The following APBB2 variants were observed in gnomAD, a reference collection of about 807,000 sequenced individuals.
The protein encoded by APBB2 is amyloid beta precursor protein binding family B member 2, also known as Fe65-like 1.
Under a neutral mutation model 82.5 loss-of-function variants are expected in APBB2, and 38 were observed. The ratio of observed to expected loss-of-function variants is 0.46; its 90% CI spans 0.36 to 0.60. The LOEUF (loss-of-function observed/expected upper bound fraction) is 0.60, where lower values mean the gene tolerates loss of function less well. APBB2 is among the 20% of genes least tolerant of loss of function. The pLI is 0.00. For missense variants in APBB2, 772 were observed against 972.3 expected (o/e 0.79, Z 2.74); for synonymous variants, 341 against 368.2 (o/e 0.93, Z 0.85).
chr4:40,938,486 T>C (rs1485885006), intron 7 of APBB2, among the ~76,000 whole-genome samples: 1 of 152,222 alleles, frequency 6.6e-6, no homozygotes, highest in African/African-American at 2.4e-5. Flanking sequence ...TCTGGGGTCT[T>C]GGAAAGCAAT....
At chr4:41,064,206 CTGATCTTG>C (rs200574209) in intron 4 of APBB2, among the ~76,000 whole-genome samples, 6,599 of 152,064 alleles carry the variant, frequency 0.043, 213 homozygotes, top group Middle Eastern at 0.072. Flanking sequence ...TCTCCATCTC[CTGATCTTG>C]TGATCCGCCC....
intron 4 of APBB2, among the ~76,000 whole-genome samples, chr4:41,049,837 G>C (rs1725286490): frequency 6.6e-6 from 1 of 152,140 alleles, no homozygotes; most frequent in Non-Finnish European, 1.5e-5. Flanking sequence ...GGTGCTCTCT[G>C]AAACATGTGC....
chr4:41,207,465 TAA>T (rs1351392304), intron 1 of APBB2, among the ~76,000 whole-genome samples: 2 of 152,126 alleles, frequency 1.3e-5, no homozygotes, highest in African/African-American at 4.8e-5. Flanking sequence ...TAAGAATTGC[TAA>T]AGAGTGTTGT....
At chr4:40,836,266 C>G (rs987475781) in intron 12 of APBB2, among the ~76,000 whole-genome samples, 1 of 152,156 alleles carries the variant, frequency 6.6e-6, no homozygotes, top group Non-Finnish European at 1.5e-5. Flanking sequence ...CTCTTCAGGT[C>G]AGGAGTTCAA....
chr4:40,828,418 C>T (rs780814405), intron 13 of APBB2, among the ~76,000 whole-genome samples: 1 of 152,178 alleles, frequency 6.6e-6, no homozygotes, highest in Non-Finnish European at 1.5e-5. Flanking sequence ...AAAGTCATTT[C>T]CATCGCAGAC....
chr4:41,042,645 T>A (rs958305413), intron 4 of APBB2, among the ~76,000 whole-genome samples: 4 of 150,458 alleles, frequency 2.7e-5, no homozygotes, highest in African/African-American at 9.7e-5. Flanking sequence ...GTTGGGAGAC[T>A]TGGGTAGGAT....
intron 1 of APBB2, among the ~76,000 whole-genome samples, chr4:41,178,381 A>C (rs1443822565): frequency 6.6e-6 from 1 of 152,188 alleles, no homozygotes; most frequent in Non-Finnish European, 1.5e-5. Flanking sequence ...AGAAGCCTCA[A>C]ACCCACCCAG....
intron 4 of APBB2, among the ~76,000 whole-genome samples, chr4:41,045,832 T>C (rs1478879893): frequency 6.6e-6 from 1 of 152,254 alleles, no homozygotes; most frequent in Non-Finnish European, 1.5e-5. Context: ...GCCTGGCACA[T>C]AGCAGATGTT....
chr4:41,051,666 G>A (rs991999909), intron 4 of APBB2, among the ~76,000 whole-genome samples: 3 of 151,994 alleles, frequency 2.0e-5, no homozygotes, highest in African/African-American at 4.8e-5. Flanking sequence ...CTTATTAACC[G>A]TCCCGAAGGC....
At chr4:40,949,098 G>A (rs1245310832) in intron 6 of APBB2, among the ~76,000 whole-genome samples, 1 of 151,978 alleles carries the variant, frequency 6.6e-6, no homozygotes, top group Non-Finnish European at 1.5e-5. Context: ...GGCCAATATG[G>A]TGAAATCCCA....
intron 12 of APBB2, among the ~76,000 whole-genome samples, chr4:40,889,472 A>T (rs998470910): frequency 2.6e-5 from 4 of 152,164 alleles, no homozygotes; most frequent in African/African-American, 4.8e-5. Context: ...GTTGTCGGGG[A>T]TTTTTATCCT....
At chr4:40,894,682 A>AT (rs1773154589) in intron 10 of APBB2, among the ~76,000 whole-genome samples, 2 of 152,236 alleles carry the variant, frequency 1.3e-5, no homozygotes, top group Admixed American at 1.3e-4. Flanking sequence ...ACTTAGAGAT[A>AT]TTTTGTTTGA....
chr4:41,142,105 G>A (rs1759395074), intron 2 of APBB2, among the ~76,000 whole-genome samples: 1 of 152,164 alleles, frequency 6.6e-6, no homozygotes, highest in Non-Finnish European at 1.5e-5. Flanking sequence ...AAAGGATGCT[G>A]GGCAGACAAA....
At chr4:41,134,355 T>G (rs746744357) in intron 2 of APBB2, among the ~76,000 whole-genome samples, 44 of 152,088 alleles carry the variant, frequency 2.9e-4, no homozygotes, top group Admixed American at 7.2e-4. Context: ...CAAGGCGGGC[T>G]GATCACAAGG....
chr4:40,820,839 C>T (rs1747642338), intron 17 of APBB2, among the ~76,000 whole-genome samples: 1 of 152,070 alleles, frequency 6.6e-6, no homozygotes, highest in Non-Finnish European at 1.5e-5. Flanking sequence ...AACACACCTG[C>T]CCACAGGCTT....
chr4:40,907,363 ATATATATATATATATATTTTTTTT>A lies in APBB2; in HGVS notation c.1255-13976_1255-13953del, dbSNP rs1322010580. 1.0e-3 allele frequency among the ~76,000 whole-genome samples: 92 copies of A among 91,180 alleles called. No homozygotes were observed. In the Middle Eastern group the frequency reaches 0.016, roughly 16 times the overall value. 59.8% of individuals were successfully genotyped at this position (91,180 alleles called of 152,430 possible). ...TAATATATTACATATATATATATAT[ATATATATATATATATATTTTTTTT>A]TTTTTTTTTTTTTAGACAGAGTCTC... is the stretch of plus-strand genomic sequence containing the variant. On this transcript the variant is annotated intron_variant, in intron 10 of 17. Coordinates refer to ENST00000508593, the MANE Select transcript of APBB2 (RefSeq NM_004307.2).
intron 5 of APBB2, among the ~76,000 whole-genome samples, chr4:41,023,570 A>G (rs1337491581): frequency 1.3e-5 from 2 of 152,266 alleles, no homozygotes; most frequent in Middle Eastern, 3.4e-3. Flanking sequence ...CAGAAACACA[A>G]TCTCATTCAC....
intron 1 of APBB2, among the ~76,000 whole-genome samples, chr4:41,195,738 G>A: frequency 6.7e-6 from 1 of 148,760 alleles, no homozygotes; most frequent in Non-Finnish European, 1.5e-5. Context: ...TGACTCCTCT[G>A]CTCCTCCTCC....
At chr4:40,938,629 G>A (rs1034019948) in intron 7 of APBB2, among the ~76,000 whole-genome samples, 7 of 152,050 alleles carry the variant, frequency 4.6e-5, no homozygotes, top group Non-Finnish European at 7.4e-5. Flanking sequence ...CCCTACCAGG[G>A]GACTTTCTCT....
Sources: gnomAD v4.1 joint callset for allele counts (sites outside exome capture counted in the v4.1 genomes callset) on GRCh38, gnomAD v4.1.1 for gene constraint, MANE v1.5 for transcripts, NCBI Gene and HGNC (gene_info 2026-07-23, HGNC 2026-07-21) for gene names.